TJP3: variants seen among roughly 807,000 people sequenced by gnomAD.
TJP3 encodes tight junction protein 3.
A neutral mutation model predicts 104.2 loss-of-function variants in TJP3; 85 were observed. The ratio of observed to expected loss-of-function variants is 0.82; its 90% CI spans 0.68 to 0.98. The LOEUF (loss-of-function observed/expected upper bound fraction) is 0.98, where lower values mean the gene tolerates loss of function less well. Ranked by LOEUF, TJP3 falls within the 50% of genes least tolerant of loss-of-function variation. The pLI, the probability that TJP3 is intolerant of heterozygous loss-of-function variation, is 0.00. For missense variants in TJP3, 1,367 were observed against 1,322.8 expected (o/e 1.03, Z -0.52); for synonymous variants, 550 against 550.6 (o/e 1.00, Z 0.02).
chr19:3,725,694 C>CAAAAA (rs11412351), intron 1 of TJP3, among the ~76,000 whole-genome samples: 6 of 119,130 alleles, frequency 5.0e-5, no homozygotes, highest in Non-Finnish European at 8.9e-5. Context: ...AACCCCATCT[C>CAAAAA]AAAAAAAAAA....
At position 3,736,175 on chromosome 19, in the gene TJP3, G is replaced by T; in HGVS notation, c.1138G>T (p.Asp380Tyr). The T allele has an allele frequency of 6.3e-7, 1 of 1,592,958 alleles. No individual in the cohort carries two copies. ...QSMEDRGYSP[D>Y]TRVVRFLKGK... The stretch of plus-strand genomic sequence containing the variant: ...TGCCTCCCCTTGCAGGTACAGCCCC[G>T]ACACGCGTGTGGTCCGCTTCCTCAA... The change falls in exon 11 of 21, where the codon GAC (aspartate) becomes TAC (tyrosine). Residue 380 changes from aspartate (D) to tyrosine (Y), a missense_variant. Physicochemically the swap from Asp to Tyr is radical, Grantham distance 160. Transcript: ENST00000541714.
At chr19:3,715,679 G>C (rs1396029158) in intron 1 of TJP3, among the ~76,000 whole-genome samples, 1 of 152,180 alleles carries the variant, frequency 6.6e-6, no homozygotes, top group Non-Finnish European at 1.5e-5. Context: ...CCTTCTCTGG[G>C]ATGGGGCCAT....
At chr19:3,728,812 C>A (rs1044532929) in intron 3 of TJP3, 99 bp downstream of exon 3, 15 of 1,335,572 alleles carry the variant, frequency 1.1e-5, no homozygotes, top group South Asian at 7.7e-5. Flanking sequence ...CAGCACTTTG[C>A]GAGGCTGAAG....
intron 15 of TJP3, among the ~76,000 whole-genome samples, chr19:3,745,766 C>T (rs2036879074): frequency 6.6e-6 from 1 of 152,188 alleles, no homozygotes; most frequent in African/African-American, 2.4e-5. Flanking sequence ...TCAGTTTCCC[C>T]ACCTGCCACA....
intron 1 of TJP3, among the ~76,000 whole-genome samples, chr19:3,717,104 T>C (rs1256627043): frequency 1.4e-5 from 2 of 146,560 alleles, no homozygotes; most frequent in East Asian, 4.0e-4. Context: ...TAGCTGGGAT[T>C]ACAGGCATGT....
At chr19:3,749,362 T>C (rs896668347) in intron 19 of TJP3, among the ~76,000 whole-genome samples, 3 of 152,014 alleles carry the variant, frequency 2.0e-5, no homozygotes, top group East Asian at 1.9e-4. Flanking sequence ...ATTTTAGAGA[T>C]AGGGTCTTGC....
intron 1 of TJP3, among the ~76,000 whole-genome samples, chr19:3,710,021 C>A (rs1427841063): frequency 6.6e-6 from 1 of 151,798 alleles, no homozygotes; most frequent in Non-Finnish European, 1.5e-5. Flanking sequence ...TGGTGGCAAG[C>A]ACTTGTAATC....
intron 1 of TJP3, among the ~76,000 whole-genome samples, chr19:3,720,314 T>A (rs2036529998): frequency 6.6e-6 from 1 of 152,166 alleles, no homozygotes; most frequent in South Asian, 2.1e-4. Context: ...GTGTTTTGGG[T>A]ACAATTGCAG....
chr19:3,740,067 A>C (rs768442056), intron 13 of TJP3, among the ~76,000 whole-genome samples: 1 of 152,054 alleles, frequency 6.6e-6, no homozygotes, highest in Non-Finnish European at 1.5e-5. Context: ...CCCCATCCCT[A>C]CTAAAAATAC....
At chr19:3,724,491 G>A (rs1025925007) in intron 1 of TJP3, among the ~76,000 whole-genome samples, 3 of 152,098 alleles carry the variant, frequency 2.0e-5, no homozygotes, top group Non-Finnish European at 2.9e-5. Context: ...CACTGTGCCC[G>A]GGCAGGGCTG....
intron 7 of TJP3, 89 bp downstream of exon 7, chr19:3,734,001 G>A: frequency 2.0e-6 from 3 of 1,513,610 alleles, no homozygotes; most frequent in Non-Finnish European, 2.7e-6. Flanking sequence ...GAATCAATGA[G>A]CCTGGTCCCT....
chr19:3,726,697 A>G (rs1337990237), intron 1 of TJP3, among the ~76,000 whole-genome samples: 1 of 150,750 alleles, frequency 6.6e-6, no homozygotes, highest in African/African-American at 2.4e-5. Context: ...GTCTCTATAA[A>G]AATAGAAGTT....
chr19:3,728,561 C>T (rs1220365344), intron 2 of TJP3, 43 bp from the exon 3 acceptor site: 1 of 1,601,616 alleles, frequency 6.2e-7, no homozygotes, highest in Non-Finnish European at 8.5e-7. Context: ...ACCCTTTACC[C>T]TGGGGGAAAC....
chr19:3,724,904 TG>T (rs982811854), intron 1 of TJP3, among the ~76,000 whole-genome samples: 6 of 151,626 alleles, frequency 4.0e-5, no homozygotes, highest in Admixed American at 3.3e-4. Context: ...GATGCAGTTT[TG>T]AAAAATAAGC....
At position 3,733,949 on chromosome 19, in the gene TJP3, A is replaced by C. The variant is rs752001231; in HGVS notation, c.877+37A>C. The C allele has an allele frequency of 6.2e-6, 10 of 1,600,396 alleles. No individual in the cohort carries two copies. The South Asian group carries it at 8.9e-5, about 14-fold the overall frequency. On this transcript the variant is annotated intron_variant, in intron 7 of 20. Coordinates refer to ENST00000541714, the MANE Select transcript of TJP3 (RefSeq NM_001267560.2). ...GAGGTTAGGACCTGGGAGGGGGTTG[A>C]ATGGATGGCAGGGAAGGTGGGAAGC...
chr19:3,708,442 C>T lies in TJP3; in HGVS notation c.-129C>T, dbSNP rs2036405219. 6.6e-6 allele frequency: 1 copy of T among 152,180 alleles called. No homozygotes were observed. The highest frequency in any genetic ancestry group is 2.1e-4 in the South Asian group (1 of 4,826). The allele number at this position is 152,180 out of a possible 1,614,324, so 9.4% of individuals were successfully genotyped here. A position where few individuals can be genotyped will look rare whatever the true frequency, so the allele number is the denominator to read the frequency against. On this transcript the variant is annotated 5_prime_UTR_variant, in exon 1 of 21. Coordinates refer to ENST00000541714, the MANE Select transcript of TJP3 (RefSeq NM_001267560.2). The stretch of plus-strand genomic sequence containing the variant: ...CCACCACAAGAGAGGAAAAGTTGGT[C>T]AAACAGGTGGGGAGGCCAGAGCTAC...
chr19:3,711,913 T>C (rs2036437999), intron 1 of TJP3, among the ~76,000 whole-genome samples: 4 of 152,096 alleles, frequency 2.6e-5, no homozygotes, highest in Admixed American at 2.6e-4. Context: ...CTCGAGCTTC[T>C]GGGCTCAAGT....
chr19:3,718,513 G>A (rs1442037838), intron 1 of TJP3, among the ~76,000 whole-genome samples: 1 of 151,154 alleles, frequency 6.6e-6, no homozygotes, highest in African/African-American at 2.4e-5. Flanking sequence ...CTGTGGCCCA[G>A]GCTGGAGTGC....
intron 1 of TJP3, among the ~76,000 whole-genome samples, chr19:3,720,341 T>G (rs1026042300): frequency 6.6e-6 from 1 of 152,190 alleles, no homozygotes; most frequent in Non-Finnish European, 1.5e-5. Context: ...AGGTGAGATG[T>G]CATCTTCGGG....
Sources: allele counts gnomAD v4.1 joint callset (sites outside exome capture counted in the v4.1 genomes callset), GRCh38; gene constraint gnomAD v4.1.1; transcripts MANE v1.5; gene names NCBI Gene and HGNC (gene_info 2026-07-23, HGNC 2026-07-21).